KLHL32: variants seen among roughly 807,000 people sequenced by gnomAD.
KLHL32 encodes the protein kelch-like protein 32.
KLHL32 carries 35 observed loss-of-function variants against 64.8 expected under a neutral mutation model. The ratio of observed to expected loss-of-function variants is 0.54; its 90% CI spans 0.41 to 0.72. The LOEUF is 0.72. Ranked by LOEUF, KLHL32 falls within the 30% of genes least tolerant of loss-of-function variation. The pLI is 0.00. For synonymous variants in KLHL32, 259 were observed against 281.0 expected, an observed-to-expected ratio of 0.92 and a Z score of 0.78; for missense variants, 589 against 768.5, an observed-to-expected ratio of 0.77 and a Z score of 2.76.
chr6:97,085,446 C>A, intron 6 of KLHL32, 105 bp downstream of exon 6: 2 of 958,938 alleles, frequency 2.1e-6, no homozygotes, highest in Admixed American at 4.4e-5. Flanking sequence ...CTTTGGTCCT[C>A]ATGGAGTTGT....
chr6:96,971,664 G>T (rs915726830), intron 2 of KLHL32, among the ~76,000 whole-genome samples: 1 of 152,076 alleles, frequency 6.6e-6, no homozygotes, highest in African/African-American at 2.4e-5. Context: ...GGGGTCCTGT[G>T]AAATACAGGG....
intron 3 of KLHL32, among the ~76,000 whole-genome samples, chr6:97,026,990 T>C (rs6919226): frequency 0.18 from 27,179 of 151,608 alleles, 4,933 homozygotes; most frequent in African/African-American, 0.45. Context: ...GGTGAAACCC[T>C]GTCTCTACTA....
At chr6:97,067,442 T>TG (rs747474432) in intron 5 of KLHL32, among the ~76,000 whole-genome samples, 29 of 152,250 alleles carry the variant, frequency 1.9e-4, no homozygotes, top group African/African-American at 3.4e-4. Flanking sequence ...TGCTAATTGA[T>TG]GGGGGGGTGC....
At position 97,069,685 on chromosome 6, in the gene KLHL32, T is replaced by C. The variant is rs568646637; in HGVS notation, c.411+4959T>C. 3.3e-4 allele frequency among the ~76,000 whole-genome samples: 50 copies of C among 152,280 alleles called. 1 individual carries two copies. Among genetic ancestry groups the C allele is most frequent in the African/African-American group, 1.2e-3 (49 of 41,550 alleles). On this transcript the variant is annotated intron_variant, in intron 5 of 10. Transcript: ENST00000369261. ...GGGAGTTCATTATGTACTGAGGGAT[T>C]GAAAGGTGCCTCCATTAAGTAATTT...
At chr6:97,119,086 T>C (rs192852661) in intron 7 of KLHL32, among the ~76,000 whole-genome samples, 68 of 152,332 alleles carry the variant, frequency 4.5e-4, no homozygotes, top group Non-Finnish European at 5.9e-5. Flanking sequence ...ATAATTATCT[T>C]GTCCTCTGGG....
At chr6:97,106,280 G>A (rs987264756) in intron 6 of KLHL32, among the ~76,000 whole-genome samples, 2 of 152,006 alleles carry the variant, frequency 1.3e-5, no homozygotes, top group African/African-American at 2.4e-5. Flanking sequence ...GACAAAATTT[G>A]TAGCATTTAG....
intron 6 of KLHL32, among the ~76,000 whole-genome samples, chr6:97,109,337 A>C (rs1172506339): frequency 6.6e-6 from 1 of 152,244 alleles, no homozygotes; most frequent in African/African-American, 2.4e-5. Flanking sequence ...ATCTATGAGA[A>C]GTTAGAAATG....
At chr6:97,083,685 AT>A (rs1792938309) in intron 5 of KLHL32, among the ~76,000 whole-genome samples, 1 of 152,166 alleles carries the variant, frequency 6.6e-6, no homozygotes, top group Non-Finnish European at 1.5e-5. Context: ...ATTATGAAGG[AT>A]TTTTGTTTTC....
Position 96,975,607 on chromosome 6 carries a change from A to T in KLHL32, c.24-390A>T, listed in dbSNP as rs111812319. 2.0e-3 allele frequency among the ~76,000 whole-genome samples: 309 copies of T among 152,266 alleles called. 2 individuals carry two copies. Among genetic ancestry groups the T allele is most frequent in the African/African-American group, 7.2e-3 (301 of 41,552 alleles). On this transcript the variant is annotated intron_variant, in intron 2 of 10. Coordinates refer to ENST00000369261, the MANE Select transcript of KLHL32 (RefSeq NM_052904.4). ...GGGGACAGAGTGGGAAGGGTCACAC[A>T]CACATATACACATGCCCAGATGCAC...
At chr6:96,960,234 G>A (rs1178274983) in intron 1 of KLHL32, among the ~76,000 whole-genome samples, 2 of 152,108 alleles carry the variant, frequency 1.3e-5, no homozygotes, top group African/African-American at 4.8e-5. Flanking sequence ...AGAAAGGCCT[G>A]CACTGCCACT....
chr6:97,066,261 C>T (rs541313094), intron 5 of KLHL32, among the ~76,000 whole-genome samples: 10 of 152,216 alleles, frequency 6.6e-5, no homozygotes, highest in South Asian at 4.1e-4. Context: ...TTGGTTAGAG[C>T]GTTAGTTATC....
intron 9 of KLHL32, among the ~76,000 whole-genome samples, chr6:97,132,352 CA>C (rs1799526371): frequency 6.6e-6 from 1 of 152,190 alleles, no homozygotes; most frequent in East Asian, 1.9e-4. Flanking sequence ...AAATTAATGG[CA>C]TGTGACATAG....
intron 3 of KLHL32, among the ~76,000 whole-genome samples, chr6:97,028,693 G>T (rs1450089407): frequency 6.6e-6 from 1 of 152,182 alleles, no homozygotes; most frequent in Non-Finnish European, 1.5e-5. Context: ...TTAGAAGTTT[G>T]TGAAGAGCAG....
At chr6:96,936,138 A>G (rs1770571039) in intron 1 of KLHL32, among the ~76,000 whole-genome samples, 1 of 152,222 alleles carries the variant, frequency 6.6e-6, no homozygotes, top group Admixed American at 6.5e-5. Flanking sequence ...GCTAAGTCTA[A>G]TGTCACTAGA....
chr6:96,944,506 G>A (rs1167071949), intron 1 of KLHL32, among the ~76,000 whole-genome samples: 2 of 152,044 alleles, frequency 1.3e-5, no homozygotes, highest in African/African-American at 4.8e-5. Flanking sequence ...TACTACAATG[G>A]CCCCATCTGC....
intron 3 of KLHL32, among the ~76,000 whole-genome samples, chr6:97,000,224 A>G (rs1778868473): frequency 6.6e-6 from 1 of 152,232 alleles, no homozygotes. Context: ...GAGTTGGGAA[A>G]GGAAGGCTAA....
At chr6:96,934,482 G>T (rs1285216765) in intron 1 of KLHL32, among the ~76,000 whole-genome samples, 1 of 152,180 alleles carries the variant, frequency 6.6e-6, no homozygotes, top group African/African-American at 2.4e-5. Context: ...AGTTAAATCA[G>T]TTCTGATGTC....
chr6:96,987,976 G>A (rs1162126104), intron 3 of KLHL32, among the ~76,000 whole-genome samples: 4 of 152,190 alleles, frequency 2.6e-5, no homozygotes, highest in African/African-American at 9.7e-5. Flanking sequence ...AGACTTACAT[G>A]TTAGACCTAA....
intron 3 of KLHL32, among the ~76,000 whole-genome samples, chr6:97,007,450 T>C (rs1196852897): frequency 3.3e-5 from 5 of 152,228 alleles, no homozygotes; most frequent in Admixed American, 3.3e-4. Context: ...ATGGATGATC[T>C]TTGTTCCTAT....
Sources: gnomAD v4.1 joint callset for allele counts (sites outside exome capture counted in the v4.1 genomes callset) on GRCh38, gnomAD v4.1.1 for gene constraint, MANE v1.5 for transcripts, NCBI Gene and HGNC (gene_info 2026-07-23, HGNC 2026-07-21) for gene names.